Variants in MUC5B observed in about 807,000 individuals in gnomAD.
MUC5B encodes the protein mucin 5B, oligomeric mucus/gel-forming.
In MUC5B, 116 loss-of-function variants were observed where a neutral mutation model predicts 376.9. That is an observed-to-expected ratio of 0.31 (90% confidence interval 0.26 to 0.36). MUC5B has a LOEUF of 0.36. Among genes scored for constraint, MUC5B ranks in the 10% least tolerant of loss-of-function variants. MUC5B has a pLI of 1.00. For synonymous variants in MUC5B, 3,517 were observed against 3,390.9 expected (o/e 1.04, Z -1.29); for missense variants, 7,165 against 7,769.9 (o/e 0.92, Z 2.93).
In MUC5B at chr11:1,250,954, T is replaced by C. The variant is rs1195668372; in HGVS notation, c.14074T>C (p.Ser4692Pro). ...GGCCACTACGATCACGGCCACCGGC[T>C]CCACCACCAACCCCTCCTCAACTCC... is the stretch of plus-strand genomic sequence containing the variant. Reference protein sequence around the residue: ...TTATTITATGSTTNPSSTPGT... With the variant: ...TTATTITATGPTTNPSSTPGT... Residue 4692 changes from serine (S) to proline (P), a missense_variant, in exon 31 of 49, where the codon TCC becomes CCC. Transcript: ENST00000529681. 6.2e-7 allele frequency: 1 copy of C among 1,609,774 alleles called. No individual in the cohort carries two copies. The highest frequency in any genetic ancestry group is 8.5e-7 in the Non-Finnish European group (1 of 1,177,960).
In MUC5B at chr11:1,247,373, C is replaced by T. The variant is rs1356366252; in HGVS notation, c.10493C>T (p.Thr3498Ile). The change falls in exon 31 of 49, where the codon ACC becomes ATC. Residue 3498 changes from threonine to isoleucine, a missense_variant. Thr to Ile is a moderately conservative substitution (Grantham distance 89). Around this residue, in one of 31 missense-constraint regions of MUC5B, gnomAD observed 939 missense variants for 770.6 expected, o/e 1.22. Transcript: ENST00000529681. Reference protein sequence around the residue: ...STVTSHTPAATTSTTQHSTPA... With the variant: ...STVTSHTPAAITSTTQHSTPA... ...GTGACTTCCCACACCCCAGCAGCAA[C>T]CACCAGTACCACCCAGCACTCGACT... 1 of 1,610,658 alleles carries T rather than the reference C, an allele frequency of 6.2e-7. No homozygotes were observed. The highest frequency in any genetic ancestry group is 2.2e-5 in the East Asian group (1 of 44,826).
At position 1,250,892 on chromosome 11, in the gene MUC5B, C is replaced by T. The variant is rs200487586; in HGVS notation, c.14012C>T (p.Thr4671Ile). Residue 4671 changes from threonine (T) to isoleucine (I), a missense_variant, in exon 31 of 49, where the codon ACA becomes ATA. Thr to Ile is a moderately conservative substitution (Grantham distance 89, BLOSUM62 -1). Coordinates refer to ENST00000529681, the MANE Select transcript of MUC5B (RefSeq NM_002458.3). ...TGSMATPSSS[T>I]QTSGTPPSLT... ...TCTATGGCAACACCCTCCTCTAGCA[C>T]ACAGACCAGTGGTACTCCCCCATCA... The T allele has an allele frequency of 4.5e-4, 709 of 1,588,378 alleles. 4 individuals carry two copies. In the African/African-American group the frequency reaches 7.1e-3, roughly 16 times the overall value.
chr11:1,258,394 G>C lies in MUC5B; in HGVS notation c.16593+27G>C, dbSNP rs772672251. On this transcript the variant is annotated intron_variant, in intron 43 of 48. Coordinates refer to ENST00000529681, the MANE Select transcript of MUC5B (RefSeq NM_002458.3). This position sits in a 1 kb window ranked among gnomAD's most constrained non-coding sequence, Gnocchi z 5.5. The stretch of plus-strand genomic sequence containing the variant: ...TAAGGGCACAGCAGTGGGTGGGTGT[G>C]GCCCTGGGGCCTGAACATGTGTGTG... 2 of 1,610,498 alleles carry C rather than the reference G, an allele frequency of 1.2e-6. No individual in the cohort carries two copies. The highest frequency in any genetic ancestry group is 2.2e-5 in the East Asian group (1 of 44,842).
In MUC5B at chr11:1,251,704, C is replaced by G. The variant is rs758364540; in HGVS notation, c.14824C>G (p.Pro4942Ala). ...TGFPSSHFSTPCFCRAFGQFF... is the reference protein window; with the variant it reads ...TGFPSSHFSTACFCRAFGQFF... ...CTTCCCCAGCTCCCACTTCTCTACT[C>G]CCTGCTTCTGCAGGGCATTTGGACA... Residue 4942 changes from proline (P) to alanine (A), a missense_variant, in exon 31 of 49, where the codon CCC becomes GCC. Pro to Ala is a conservative substitution (Grantham distance 27). This residue lies in a region of MUC5B where 730 missense variants were observed against 592.7 expected (regional missense o/e 1.23). Coordinates refer to ENST00000529681, the MANE Select transcript of MUC5B (RefSeq NM_002458.3). The G allele has an allele frequency of 1.2e-6, 2 of 1,610,900 alleles. No homozygotes were observed. The highest frequency in any genetic ancestry group is 1.1e-5 in the South Asian group (1 of 90,904).
Position 1,243,792 on chromosome 11 carries a change from C to A in MUC5B, c.6912C>A (p.Ala2304=), listed in dbSNP as rs1862368166. The part of the protein sequence containing the change: ...STLLPSSPTS[A]PITTVVTMGC... ...TGCTGCCCAGCAGCCCCACATCGGC[C>A]CCCATAACCACGGTGGTGACCATGG... The change falls in exon 31 of 49, where the codon GCC becomes GCA. Residue 2304 remains alanine, a synonymous_variant. Coordinates refer to ENST00000529681, the MANE Select transcript of MUC5B (RefSeq NM_002458.3). 1 of 1,611,716 alleles carries A rather than the reference C, an allele frequency of 6.2e-7. No individual in the cohort carries two copies. The highest frequency in any genetic ancestry group is 8.5e-7 in the Non-Finnish European group (1 of 1,179,654).
chr11:1,242,204 C>T lies in MUC5B; in HGVS notation c.5324C>T (p.Thr1775Ile), dbSNP rs761181494. Residue 1775 changes from threonine (T) to isoleucine (I), a missense_variant, in exon 31 of 49, where the codon ACC becomes ATC. This residue lies in a region of MUC5B where 897 missense variants were observed against 779.6 expected (regional missense o/e 1.15). Transcript: ENST00000529681. ...ACGACAATGAGCCCCTTGACTAACA[C>T]CACCACCAGCCAGGGCACGACCCGC... ...TETTMSPLTN[T>I]TTSQGTTRCQ... 7 of 1,613,638 alleles carry T rather than the reference C, an allele frequency of 4.3e-6. No individual in the cohort carries two copies. Among genetic ancestry groups the T allele is most frequent in the Non-Finnish European group, 5.9e-6 (7 of 1,179,876 alleles).
chr11:1,242,222 C>A lies in MUC5B; in HGVS notation c.5342C>A (p.Thr1781Lys). The change falls in exon 31 of 49, where the codon ACG (threonine) becomes AAG (lysine). Residue 1781 changes from threonine to lysine, a missense_variant. Transcript: ENST00000529681. ...PLTNTTTSQG[T>K]TRCQPKCEWT... Reference sequence around the variant, plus strand: ...ACTAACACCACCACCAGCCAGGGCACGACCCGCTGTCAACCGAAGTGTGAG... The same window carrying A: ...ACTAACACCACCACCAGCCAGGGCAAGACCCGCTGTCAACCGAAGTGTGAG... The A allele has an allele frequency of 6.2e-7, 1 of 1,613,732 alleles. No homozygotes were observed. The highest frequency in any genetic ancestry group is 8.5e-7 in the Non-Finnish European group (1 of 1,179,882).
chr11:1,232,337 T>G (rs1862046295), intron 15 of MUC5B, 113 bp from the exon 16 acceptor site: 3 of 1,376,488 alleles, frequency 2.2e-6, no homozygotes, highest in Admixed American at 2.1e-5. Context: ...GCGCAGCAGG[T>G]GAGCCGCAAA....
intron 6 of MUC5B, 49 bp downstream of exon 6, chr11:1,227,447 G>A (rs753940426): frequency 9.7e-6 from 14 of 1,438,722 alleles, no homozygotes; most frequent in South Asian, 5.9e-5. Context: ...GTCGGCCAAC[G>A]AAGAGCCACA....
intron 23 of MUC5B, 100 bp from the exon 24 acceptor site, chr11:1,236,286 C>T (rs546744626): frequency 2.9e-4 from 352 of 1,202,556 alleles, no homozygotes; most frequent in Non-Finnish European, 3.6e-4. Flanking sequence ...GCTAAGAGCC[C>T]GTGCGCACCT....
intron 31 of MUC5B, 125 bp from the exon 32 acceptor site, chr11:1,252,218 C>G (rs1221097669): frequency 6.4e-6 from 6 of 940,422 alleles, no homozygotes; most frequent in Non-Finnish European, 9.5e-6. Flanking sequence ...CAGCCTCTGC[C>G]CTCTCCACTC....
chr11:1,228,611 C>T lies in MUC5B; in HGVS notation c.822C>T (p.Cys274=), dbSNP rs1267055905. ...TGCTGGGGCCGGCCTTTGCGGAGTG[C>T]CACGCACTGGTGGACAGCACTGCGT... ...RTLLGPAFAE[C]HALVDSTAYL... Residue 274 remains cysteine, a synonymous_variant, in exon 8 of 49, where the codon TGC becomes TGT. Coordinates refer to ENST00000529681, the MANE Select transcript of MUC5B (RefSeq NM_002458.3). The T allele has an allele frequency of 2.6e-6, 4 of 1,533,260 alleles. No homozygotes were observed. The East Asian group carries it at 7.3e-5, about 28-fold the overall frequency. The allele number at this position is 1,533,260 out of a possible 1,614,324, so 95.0% of individuals were successfully genotyped here. A position where few individuals can be genotyped will look rare whatever the true frequency, so the allele number is the denominator to read the frequency against.
intron 47 of MUC5B, 62 bp from the exon 48 acceptor site, chr11:1,260,564 C>A: frequency 6.6e-7 from 1 of 1,514,970 alleles, no homozygotes; most frequent in Non-Finnish European, 9.1e-7. Context: ...GTCGGCCCAG[C>A]AAGTCCAGGC....
chr11:1,240,574 A>G (rs1862258051), intron 30 of MUC5B, among the ~76,000 whole-genome samples, 199 bp downstream of exon 30: 1 of 152,176 alleles, frequency 6.6e-6, no homozygotes, highest in Admixed American at 6.5e-5. Context: ...ACAATGATTG[A>G]TGGGATACCC....
At position 1,244,214 on chromosome 11, in the gene MUC5B, C is replaced by G; in HGVS notation, c.7334C>G (p.Thr2445Arg). 6.2e-7 allele frequency: 1 copy of G among 1,612,072 alleles called. No homozygotes were observed. The highest frequency in any genetic ancestry group is 8.5e-7 in the Non-Finnish European group (1 of 1,178,636). ...ILTELTTTATTTESTGSTATP... is the reference protein window; with the variant it reads ...ILTELTTTATRTESTGSTATP... Reference sequence around the variant, plus strand: ...ACAGAGCTGACCACAACAGCCACTACGACTGAGTCCACTGGATCCACGGCC... The same window carrying G: ...ACAGAGCTGACCACAACAGCCACTAGGACTGAGTCCACTGGATCCACGGCC... Residue 2445 changes from threonine (T) to arginine (R), a missense_variant, in exon 31 of 49, where the codon ACG (threonine) becomes AGG (arginine). By Grantham distance (71) the Thr-to-Arg change is moderately conservative. Transcript: ENST00000529681.
intron 34 of MUC5B, 59 bp from the exon 35 acceptor site, chr11:1,254,635 T>C: frequency 2.6e-6 from 4 of 1,536,616 alleles, no homozygotes; most frequent in Admixed American, 1.9e-5. Context: ...AGAGAAGCCC[T>C]GCTCCCCGAG....
intron 30 of MUC5B, 51 bp from the exon 31 acceptor site, chr11:1,240,800 G>T: frequency 3.3e-6 from 5 of 1,513,954 alleles, no homozygotes; most frequent in Non-Finnish European, 4.5e-6. Context: ...ACCTTGTGAG[G>T]CCAGGACTGG....
chr11:1,233,397 AG>A, intron 18 of MUC5B, 129 bp downstream of exon 18: 4 of 1,086,136 alleles, frequency 3.7e-6, no homozygotes, highest in Non-Finnish European at 5.1e-6. Context: ...AGAGTGGGGC[AG>A]GGTGGACCCA....
rs1862996479 is a variant in MUC5B at position 1,261,589 on chromosome 11, A to C, written c.17270A>C (p.Gln5757Pro). ...CCACACACCCGTGGCTTCCCGGCCC[A>C]GGAGGCCACTGCTGTCTGAGAACGT... ...APPHTRGFPAQEATAV is the reference protein window; with the variant it reads ...APPHTRGFPAPEATAV The change falls in exon 49 of 49, where the codon CAG becomes CCG. Residue 5757 changes from glutamine to proline, a missense_variant. Physicochemically the swap from Gln to Pro is moderately conservative, Grantham distance 76. This residue lies in a region of MUC5B where 842 missense variants were observed against 1,016.9 expected (regional missense o/e 0.83). Transcript: ENST00000529681. The C allele has an allele frequency of 1.9e-6, 3 of 1,606,500 alleles. No homozygotes were observed. In the East Asian group the frequency reaches 6.7e-5, roughly 36 times the overall value.
Sources: allele counts gnomAD v4.1 joint callset (sites outside exome capture counted in the v4.1 genomes callset), GRCh38; gene constraint gnomAD v4.1.1; regional missense constraint gnomAD v4.1.1; non-coding constraint Gnocchi (gnomAD v3.1); transcripts MANE v1.5; gene names NCBI Gene and HGNC (gene_info 2026-07-23, HGNC 2026-07-21).